MYO1B: variants seen among roughly 807,000 people sequenced by gnomAD.
MYO1B encodes unconventional myosin-Ib.
A neutral mutation model predicts 159.7 loss-of-function variants in MYO1B; 72 were observed. The ratio of observed to expected loss-of-function variants is 0.45; its 90% CI spans 0.37 to 0.55. The LOEUF (loss-of-function observed/expected upper bound fraction) is 0.55, where lower values mean the gene tolerates loss of function less well. Among genes scored for constraint, MYO1B ranks in the 20% least tolerant of loss-of-function variants. MYO1B has a pLI of 0.00. For synonymous variants in MYO1B, 468 were observed against 473.8 expected, an observed-to-expected ratio of 0.99 and a Z score of 0.16; for missense variants, 1,062 against 1,364.8, an observed-to-expected ratio of 0.78 and a Z score of 3.50.
At position 191,364,213 on chromosome 2, in the gene MYO1B, A is replaced by G. The variant is rs1204803394; in HGVS notation, c.969A>G (p.Ala323=). The G allele has an allele frequency of 6.2e-7, 1 of 1,613,998 alleles. No homozygotes were observed. Residue 323 remains alanine, a synonymous_variant, in exon 11 of 31, where the codon GCA becomes GCG. Coordinates refer to ENST00000392318, the MANE Select transcript of MYO1B (RefSeq NM_001130158.3). ...TGIDQSVLER[A]FSFRTVEAKQ... is the part of the protein sequence containing the mutation. ...TTGATCAATCAGTTCTAGAACGAGC[A>G]TTCAGTTTCCGAACAGTTGAGGCCA...
At position 191,423,999 on chromosome 2, in the gene MYO1B, G is replaced by A. The variant is rs1698105697; in HGVS notation, c.*39G>A. The stretch of plus-strand genomic sequence containing the variant: ...TCTACTTTCATGGACTTGTTCCTTT[G>A]TAATAGTGCAATTTGGTTTTGTTTT... On this transcript the variant is annotated 3_prime_UTR_variant, in exon 31 of 31. Transcript: ENST00000392318. The A allele has an allele frequency of 6.3e-7, 1 of 1,580,364 alleles. No homozygotes were observed. The highest frequency in any genetic ancestry group is 1.2e-5 in the South Asian group (1 of 84,626).
intron 2 of MYO1B, among the ~76,000 whole-genome samples, chr2:191,288,919 A>T (rs16833576): frequency 6.0e-4 from 91 of 152,348 alleles, no homozygotes; most frequent in African/African-American, 2.2e-3. Context: ...ACCCTTGGAG[A>T]TGCAGACGAC....
intron 4 of MYO1B, 97 bp downstream of exon 4, chr2:191,330,126 C>T (rs534048016): frequency 1.0e-6 from 1 of 985,554 alleles, no homozygotes; most frequent in South Asian, 1.6e-5. Context: ...AGATCTGTCG[C>T]AGGGCCACTG....
chr2:191,322,098 G>A (rs563601095), intron 3 of MYO1B, among the ~76,000 whole-genome samples: 1 of 152,266 alleles, frequency 6.6e-6, no homozygotes, highest in East Asian at 1.9e-4. Context: ...AGTAGAATTA[G>A]CCTTTTTGCT....
intron 30 of MYO1B, among the ~76,000 whole-genome samples, chr2:191,421,357 A>G (rs373543676): frequency 1.2e-4 from 18 of 152,272 alleles, no homozygotes; most frequent in African/African-American, 4.3e-4. Context: ...GTCATGATCC[A>G]CCGTGCCTGG....
rs373436660 is a variant in MYO1B, at chr2:191,364,160, T to A, written c.916T>A (p.Leu306Ile). Residue 306 changes from leucine (L) to isoleucine (I), a missense_variant and splice_region_variant, in exon 11 of 31, where the codon TTA (leucine) becomes ATA (isoleucine). Leu to Ile is a conservative substitution (Grantham distance 5). Around this residue, in one of 5 missense-constraint regions of MYO1B, gnomAD observed 415 missense variants for 544.0 expected, o/e 0.76. Coordinates refer to ENST00000392318, the MANE Select transcript of MYO1B (RefSeq NM_001130158.3). ...GTCCATCCCCTGCCTTCCCACAGAG[T>A]TAAAAGAAATTTGTGAATTGACCGG... Reference protein sequence around the residue: ...DESKIKDKNELKEICELTGID... With the variant: ...DESKIKDKNEIKEICELTGID... The A allele has an allele frequency of 3.7e-6, 6 of 1,613,376 alleles. No individual in the cohort carries two copies. The African/African-American group carries it at 6.7e-5, about 18-fold the overall frequency.
At chr2:191,412,646 A>T (rs973027431) in intron 27 of MYO1B, among the ~76,000 whole-genome samples, 2 of 152,220 alleles carry the variant, frequency 1.3e-5, no homozygotes, top group African/African-American at 4.8e-5. Context: ...CACCCACAAC[A>T]TAAGCATTTA....
intron 3 of MYO1B, among the ~76,000 whole-genome samples, chr2:191,317,625 C>G (rs1456128563): frequency 6.6e-6 from 1 of 152,060 alleles, no homozygotes; most frequent in African/African-American, 2.4e-5. Context: ...CTGTCCCTCC[C>G]CCTTCCCTCC....
chr2:191,249,898 C>G (rs1686010155), intron 1 of MYO1B, among the ~76,000 whole-genome samples: 1 of 152,168 alleles, frequency 6.6e-6, no homozygotes, highest in African/African-American at 2.4e-5. Flanking sequence ...TTGCTAAACT[C>G]TAACAGGTGA....
intron 1 of MYO1B, chr2:191,263,224 C>A: frequency 1.6e-6 from 1 of 624,960 alleles, no homozygotes; most frequent in Non-Finnish European, 2.0e-6. Context: ...CTCTTCCTAG[C>A]CACAGGATAT....
rs77391314 is a variant in MYO1B, at chr2:191,270,303, T to C, written c.-9-6584T>C. 1.0e-3 allele frequency among the ~76,000 whole-genome samples: 154 copies of C among 152,322 alleles called. 1 individual carries two copies. In the East Asian group the frequency reaches 0.021, roughly 21 times the overall value. ...TAAGGATGTTGAATTTGGCTTATAG[T>C]CTTTTTGCTCATCTATATTTTCTAG... On this transcript the variant is annotated intron_variant, in intron 1 of 30. Coordinates refer to ENST00000392318, the MANE Select transcript of MYO1B (RefSeq NM_001130158.3).
At chr2:191,288,647 A>T (rs1185761161) in intron 2 of MYO1B, among the ~76,000 whole-genome samples, 1 of 152,204 alleles carries the variant, frequency 6.6e-6, no homozygotes, top group African/African-American at 2.4e-5. Flanking sequence ...CATGCCCAGC[A>T]TGATGTTTTG....
At chr2:191,397,793 C>T (rs1257370634) in intron 21 of MYO1B, among the ~76,000 whole-genome samples, 1 of 145,836 alleles carries the variant, frequency 6.9e-6, no homozygotes, top group Non-Finnish European at 1.5e-5. Flanking sequence ...CCCTCACCTC[C>T]CGGATGGGGC....
chr2:191,293,838 A>G (rs1316910851), intron 2 of MYO1B, among the ~76,000 whole-genome samples: 1 of 152,180 alleles, frequency 6.6e-6, no homozygotes, highest in Non-Finnish European at 1.5e-5. Flanking sequence ...TATTTTACCC[A>G]GCCTCTATTC....
chr2:191,283,979 A>G (rs550523457), intron 2 of MYO1B, among the ~76,000 whole-genome samples: 3 of 152,352 alleles, frequency 2.0e-5, no homozygotes, highest in East Asian at 3.9e-4. Context: ...ATTCATTTCT[A>G]AAGTCATAGG....
intron 1 of MYO1B, among the ~76,000 whole-genome samples, chr2:191,269,620 G>A (rs1364722301): frequency 1.3e-5 from 2 of 152,204 alleles, no homozygotes; most frequent in African/African-American, 2.4e-5. Flanking sequence ...TTATTGAAGG[G>A]TTTGAAGCAG....
At chr2:191,329,663 A>G (rs1243806956) in intron 3 of MYO1B, among the ~76,000 whole-genome samples, 2 of 148,096 alleles carry the variant, frequency 1.4e-5, no homozygotes, top group African/African-American at 4.9e-5. Flanking sequence ...ATTTATATAA[A>G]TAGTAAATAT....
rs751641351 is a variant in MYO1B, at chr2:191,362,317, G to C, written c.711G>C (p.Leu237=). The C allele has an allele frequency of 1.1e-5, 18 of 1,613,878 alleles. No individual in the cohort carries two copies. Among genetic ancestry groups the C allele is most frequent in the Non-Finnish European group, 1.5e-5 (18 of 1,179,826 alleles). ...TCAGCAGGTATAACTACCTGAGTCT[G>C]GATTCGGCCAAAGTGAATGGAGTGG... ...RDFSRYNYLS[L]DSAKVNGVDD... is the part of the protein sequence containing the mutation. The change falls in exon 9 of 31, where the codon CTG becomes CTC. Residue 237 remains leucine, a synonymous_variant. Transcript: ENST00000392318.
In MYO1B at chr2:191,288,979, A is replaced by G. The variant is rs188799352; in HGVS notation, c.136-7132A>G. On this transcript the variant is annotated intron_variant, in intron 2 of 30. Coordinates refer to ENST00000392318, the MANE Select transcript of MYO1B (RefSeq NM_001130158.3). ...TTGATGTTATTTTAGACTAATTCGT[A>G]TTAAGATATTTAAATAAATATTGCC... Among the ~76,000 whole-genome samples the G allele has an allele frequency of 5.9e-5, 9 of 152,334 alleles. No individual in the cohort carries two copies. The East Asian group carries it at 1.5e-3, about 26-fold the overall frequency.
Sources: gnomAD v4.1 joint callset for allele counts (sites outside exome capture counted in the v4.1 genomes callset) on GRCh38, gnomAD v4.1.1 for gene constraint, gnomAD v4.1.1 regional missense constraint, MANE v1.5 for transcripts, NCBI Gene and HGNC (gene_info 2026-07-23, HGNC 2026-07-21) for gene names.